WDR62: variants seen among roughly 807,000 people sequenced by gnomAD.
The protein encoded by WDR62 is WD repeat-containing protein 62.
Under a neutral mutation model 160.6 loss-of-function variants are expected in WDR62, and 112 were observed. The ratio of observed to expected loss-of-function variants is 0.70; its 90% confidence interval spans 0.60 to 0.82. The LOEUF (loss-of-function observed/expected upper bound fraction) is 0.82, where lower values mean the gene tolerates loss of function less well. WDR62 is among the 40% of genes least tolerant of loss of function. WDR62 has a pLI of 0.00. For synonymous variants in WDR62, 792 were observed against 815.1 expected (o/e 0.97, Z 0.48); for missense variants, 1,819 against 1,983.8 (o/e 0.92, Z 1.58).
In WDR62 at chr19:36,067,986, G is replaced by C. The variant is rs1360395134; in HGVS notation, c.858G>C (p.Val286=). The part of the protein sequence containing the change: ...GLLCQFNEKR[V]LEKWINLKVS... ...TCTGCCAGTTCAATGAGAAGAGGGTGCTGGAGAAGTGGATCAACCTGAAGG... is the reference window on the plus strand; with the variant it reads ...TCTGCCAGTTCAATGAGAAGAGGGTCCTGGAGAAGTGGATCAACCTGAAGG... Residue 286 remains valine (V), a synonymous_variant, in exon 7 of 32, where the codon GTG becomes GTC. Coordinates refer to ENST00000401500, the MANE Select transcript of WDR62 (RefSeq NM_001083961.2). The C allele has an allele frequency of 6.2e-7, 1 of 1,614,046 alleles. No homozygotes were observed. The highest frequency in any genetic ancestry group is 1.7e-5 in the Admixed American group (1 of 59,998).
intron 3 of WDR62, chr19:36,062,205 CAA>C (rs1016355237): frequency 3.3e-5 from 5 of 152,182 alleles, no homozygotes; most frequent in Non-Finnish European, 7.3e-5. Flanking sequence ...CTCAGCCTCC[CAA>C]AGTGCTAGGA....
In WDR62 at chr19:36,084,637, G is replaced by T. The variant is rs562993441; in HGVS notation, c.1551-16G>T. 6.2e-7 allele frequency: 1 copy of T among 1,613,096 alleles called. No individual in the cohort carries two copies. The highest frequency in any genetic ancestry group is 1.1e-5 in the South Asian group (1 of 91,062). ...GCTGGGGTGTGGGGCTTCAGCGGGC[G>T]GTGTGTGTCTCCCAGGATCCACGAG... On this transcript the variant is annotated splice_polypyrimidine_tract_variant and intron_variant, in intron 11 of 31. Coordinates refer to ENST00000401500, the MANE Select transcript of WDR62 (RefSeq NM_001083961.2).
At chr19:36,101,903 C>A (rs748184859) in intron 25 of WDR62, 111 bp from the exon 26 acceptor site, 35 of 1,567,088 alleles carry the variant, frequency 2.2e-5, no homozygotes, top group Non-Finnish European at 2.8e-5. Context: ...TGCTTCTCAG[C>A]CTGCGGGCAA....
rs550885984 is a variant in WDR62, at chr19:36,078,903, CTT to C, written c.1234-2517_1234-2516del. On this transcript the variant is annotated intron_variant, in intron 9 of 31. Transcript: ENST00000401500. ...TTTGTGAAAATATGTTTCTGCTGTG[CTT>C]TTTTTTTTTTTTCTTTTTTAAGAGT... Among the ~76,000 whole-genome samples the C allele has an allele frequency of 1.2e-3, 160 of 129,604 alleles. 1 individual carries two copies. Among genetic ancestry groups the C allele is most frequent in the African/African-American group, 4.4e-3 (155 of 35,190 alleles). 85.0% of individuals were successfully genotyped at this position (129,604 alleles called of 152,430 possible). A position where few individuals can be genotyped will look rare whatever the true frequency, so the allele number is the denominator to read the frequency against.
intron 3 of WDR62, among the ~76,000 whole-genome samples, chr19:36,064,476 T>G (rs1473835526): frequency 6.6e-6 from 1 of 152,058 alleles, no homozygotes; most frequent in Non-Finnish European, 1.5e-5. Flanking sequence ...AGACAGGGTT[T>G]CACCGTGTTA....
chr19:36,107,349 C>T (rs570557284), downstream of WDR62, among the ~76,000 whole-genome samples: 7 of 152,218 alleles, frequency 4.6e-5, no homozygotes, highest in African/African-American at 1.4e-4. Flanking sequence ...AGCCTGGAAG[C>T]GCAGGAGCTA....
At chr19:36,061,959 T>TC (rs1599749205) in intron 3 of WDR62, 2 of 152,234 alleles carry the variant, frequency 1.3e-5, no homozygotes, top group African/African-American at 4.8e-5. Context: ...TTTTTTTTTT[T>TC]TGGACACAGA....
chr19:36,106,492 T>C (rs1973716506), downstream of WDR62, among the ~76,000 whole-genome samples: 1 of 152,020 alleles, frequency 6.6e-6, no homozygotes, highest in Non-Finnish European at 1.5e-5. Context: ...ATGCAGGAAT[T>C]AGAGCTCTGT....
At chr19:36,073,604 G>T in intron 9 of WDR62, 73 bp downstream of exon 9, 1 of 1,256,614 alleles carries the variant, frequency 8.0e-7, no homozygotes, top group Non-Finnish European at 1.1e-6. Context: ...AACCCATTCA[G>T]TAATTCCTTC....
chr19:36,086,076 GATTTTCCCCATGTTCTT>G lies in WDR62; in HGVS notation c.1643-610_1643-594del, dbSNP rs141888637. On this transcript the variant is annotated intron_variant, in intron 12 of 31. Coordinates refer to ENST00000401500, the MANE Select transcript of WDR62 (RefSeq NM_001083961.2). ...AGTTGGTGGAGTTATATCCTGATGT[GATTTTCCCCATGTTCTT>G]CTTTCGTTCTCTCATCCCCCATGCT... 2.0e-4 allele frequency among the ~76,000 whole-genome samples: 30 copies of G among 152,124 alleles called. No homozygotes were observed. The East Asian group carries it at 5.3e-3, about 27-fold the overall frequency.
intron 7 of WDR62, chr19:36,070,612 T>C (rs2145618458): frequency 6.6e-6 from 1 of 152,366 alleles, no homozygotes; most frequent in East Asian, 1.9e-4. Context: ...ACTCTGGAGA[T>C]CACCTTCGAG....
chr19:36,058,726 A>G (rs532028841), intron 1 of WDR62, 54 bp from the exon 2 acceptor site: 1 of 1,491,346 alleles, frequency 6.7e-7, no homozygotes, highest in East Asian at 2.3e-5. Flanking sequence ...AGGCGGCTGC[A>G]CCATGTGGTG....
At chr19:36,084,998 G>A (rs1428196350) in intron 12 of WDR62, among the ~76,000 whole-genome samples, 1 of 152,186 alleles carries the variant, frequency 6.6e-6, no homozygotes, top group Admixed American at 6.5e-5. Context: ...GTGGATGTAT[G>A]AATGAGTGAA....
chr19:36,054,939 GGGA>G lies in WDR62; in HGVS notation c.-32_-30del. 6.4e-7 allele frequency: 1 copy of G among 1,560,532 alleles called. No homozygotes were observed. The highest frequency in any genetic ancestry group is 1.2e-5 in the South Asian group (1 of 86,266). ...TGGCGGTGGCGGCAGCGGCGGTTAG[GGGA>G]TGTAACGGTCGCCCGCCTCCGGCGT... On this transcript the variant is annotated 5_prime_UTR_variant, in exon 1 of 32. The change abolishes an upstream ATG in the 5' untranslated region. Coordinates refer to ENST00000401500, the MANE Select transcript of WDR62 (RefSeq NM_001083961.2).
chr19:36,100,866 GGACA>G lies in WDR62; in HGVS notation c.2864_2867del (p.Asp955AlafsTer112), dbSNP rs757827840. 45 of 1,614,064 alleles carry G rather than the reference GGACA, an allele frequency of 2.8e-5. No individual in the cohort carries two copies. The highest frequency in any genetic ancestry group is 3.7e-5 in the Non-Finnish European group (44 of 1,180,032). On this transcript the variant is annotated frameshift_variant, in exon 23 of 32. Coordinates refer to ENST00000401500, the MANE Select transcript of WDR62 (RefSeq NM_001083961.2). LOFTEE classifies it high-confidence loss of function. ...CTGGAGGCAGAAGTGACAGTCACAGGGACAGACAGGTGGGTGTCCTTTCCACCAA... is the reference window on the plus strand; with the variant it reads ...CTGGAGGCAGAAGTGACAGTCACAGGGACAGGTGGGTGTCCTTTCCACCAA...
intron 7 of WDR62, 57 bp from the exon 8 acceptor site, chr19:36,071,499 C>G: frequency 6.2e-7 from 1 of 1,610,518 alleles, no homozygotes; most frequent in Non-Finnish European, 8.5e-7. Context: ...GTCCCCATAT[C>G]CCCGGGCCAG....
In WDR62 at chr19:36,092,827, G is replaced by T; in HGVS notation, c.2333+16G>T. 3 of 1,613,758 alleles carry T rather than the reference G, an allele frequency of 1.9e-6. No individual in the cohort carries two copies. The highest frequency in any genetic ancestry group is 2.5e-6 in the Non-Finnish European group (3 of 1,179,858). ...GCCACCCCAGGTCCTGGCAGCCCCT[G>T]CCTGTCCACCAGAGGGATGAGTCCC... On this transcript the variant is annotated intron_variant, in intron 19 of 31. Coordinates refer to ENST00000401500, the MANE Select transcript of WDR62 (RefSeq NM_001083961.2).
In WDR62 at chr19:36,102,135, T is replaced by C. The variant is rs1466968528; in HGVS notation, c.3204T>C (p.Thr1068=). The C allele has an allele frequency of 9.9e-6, 16 of 1,613,878 alleles. No individual in the cohort carries two copies. The highest frequency in any genetic ancestry group is 4.2e-6 in the Non-Finnish European group (5 of 1,180,042). Residue 1068 remains threonine (T), a synonymous_variant, in exon 26 of 32, where the codon ACT becomes ACC. Coordinates refer to ENST00000401500, the MANE Select transcript of WDR62 (RefSeq NM_001083961.2). Reference sequence around the variant, plus strand: ...TCCGCCACCACTTTGAGACACTGACTGAGTCCCCCTGCAGAGGTAGGGCCC... The same window carrying C: ...TCCGCCACCACTTTGAGACACTGACCGAGTCCCCCTGCAGAGGTAGGGCCC... ...KFLRHHFETL[T]ESPCRELFPA...
rs61494900 is a variant in WDR62 at position 36,092,749 on chromosome 19, G to A, written c.2271G>A (p.Leu757=). 173,189 of 1,613,952 alleles carry A rather than the reference G, an allele frequency of 0.11. 10,458 individuals are homozygous for A. Among genetic ancestry groups the A allele is most frequent in the African/African-American group, 0.23 (17,296 of 74,964 alleles). The change falls in exon 19 of 32, where the codon CTG becomes CTA. Residue 757 remains leucine, a synonymous_variant. Transcript: ENST00000401500. The part of the protein sequence containing the change: ...EITNCMKQHL[L]EIDHRQQQQH... Reference sequence around the variant, plus strand: ...CCAACTGCATGAAGCAGCACTTGCTGGAGATTGACCACCGGCAGCAGCAGC... The same window carrying A: ...CCAACTGCATGAAGCAGCACTTGCTAGAGATTGACCACCGGCAGCAGCAGC...
Sources: gnomAD v4.1 joint callset for allele counts (sites outside exome capture counted in the v4.1 genomes callset) on GRCh38, gnomAD v4.1.1 for gene constraint, MANE v1.5 for transcripts, NCBI Gene and HGNC (gene_info 2026-07-23, HGNC 2026-07-21) for gene names.